Variants in IGF1R observed in about 807,000 individuals in gnomAD.
IGF1R encodes insulin-like growth factor 1 receptor.
IGF1R carries 44 observed loss-of-function variants against 144.6 expected under a neutral mutation model. The observed-to-expected ratio is 0.30, with a 90% CI of 0.24 to 0.39. The LOEUF (loss-of-function observed/expected upper bound fraction) is 0.39, where lower values mean the gene tolerates loss of function less well. Among genes scored for constraint, IGF1R ranks in the 10% least tolerant of loss-of-function variants. The probability of loss-of-function intolerance (pLI) is 1.00; values close to 1 mark genes in which losing one functional copy is unlikely to be tolerated. For synonymous variants in IGF1R, 795 were observed against 722.8 expected, an observed-to-expected ratio of 1.10 and a Z score of -1.60; for missense variants, 1,355 against 1,833.7, an observed-to-expected ratio of 0.74 and a Z score of 4.77.
rs2151682528 is a variant in IGF1R at position 98,916,687 on chromosome 15, G to A, written c.2012G>A (p.Arg671Lys). The change falls in exon 10 of 21, where the codon AGG (arginine) becomes AAG (lysine). Residue 671 changes from arginine (R) to lysine (K), a missense_variant. By Grantham distance (26) the Arg-to-Lys change is conservative. Transcript: ENST00000650285. ...NYCSKDKIPI[R>K]KYADGTIDIE... The stretch of plus-strand genomic sequence containing the variant: ...TTCCGAGAAGACAAAATCCCCATCA[G>A]GAAGTATGCCGACGGCACCATCGAC... The A allele has an allele frequency of 6.2e-7, 1 of 1,614,088 alleles. No individual in the cohort carries two copies.
At chr15:98,942,138 A>G (rs2016387972) in intron 18 of IGF1R, among the ~76,000 whole-genome samples, 1 of 152,136 alleles carries the variant, frequency 6.6e-6, no homozygotes, top group Non-Finnish European at 1.5e-5. Context: ...GTTACCCTGA[A>G]TATTTTCCCC....
intron 2 of IGF1R, among the ~76,000 whole-genome samples, chr15:98,842,268 T>C (rs1371375237): frequency 6.6e-6 from 1 of 152,198 alleles, no homozygotes; most frequent in Non-Finnish European, 1.5e-5. Flanking sequence ...TTTACTTCCT[T>C]TGATAAGACA....
At chr15:98,901,121 A>T (rs985633231) in intron 5 of IGF1R, among the ~76,000 whole-genome samples, 3 of 152,224 alleles carry the variant, frequency 2.0e-5, no homozygotes, top group African/African-American at 7.2e-5. Flanking sequence ...TCATTATCTG[A>T]AACTTGCATA....
intron 1 of IGF1R, among the ~76,000 whole-genome samples, chr15:98,691,313 G>T (rs1264865608): frequency 6.6e-6 from 1 of 151,742 alleles, no homozygotes; most frequent in African/African-American, 2.4e-5. Context: ...AGGGACACTG[G>T]CCAGGTTTTG....
At chr15:98,851,815 G>T (rs1204496990) in intron 2 of IGF1R, among the ~76,000 whole-genome samples, 1 of 152,216 alleles carries the variant, frequency 6.6e-6, no homozygotes, top group Admixed American at 6.5e-5. Flanking sequence ...CTTATTTCTT[G>T]TCAAGTGAGC....
chr15:98,749,952 C>T (rs1317333363), intron 2 of IGF1R, among the ~76,000 whole-genome samples: 1 of 139,742 alleles, frequency 7.2e-6, no homozygotes, highest in East Asian at 2.1e-4. Context: ...CTCCTTATTT[C>T]TTAGTGAACA....
intron 2 of IGF1R, among the ~76,000 whole-genome samples, chr15:98,861,671 C>G (rs2012166218): frequency 6.6e-6 from 1 of 152,216 alleles, no homozygotes; most frequent in Admixed American, 6.5e-5. Context: ...TGATGCTGGA[C>G]AAGTCAGCAA....
chr15:98,883,784 C>T (rs563247961), intron 2 of IGF1R, among the ~76,000 whole-genome samples: 2 of 152,256 alleles, frequency 1.3e-5, no homozygotes, highest in South Asian at 2.1e-4. Context: ...CGAAAGTGTT[C>T]GCCGGGCTGC....
chr15:98,802,930 A>T (rs1415158243), intron 2 of IGF1R, among the ~76,000 whole-genome samples: 7 of 152,220 alleles, frequency 4.6e-5, no homozygotes, highest in African/African-American at 1.7e-4. Context: ...AATTGTTTCC[A>T]TTTTAGGTTG....
chr15:98,924,936 G>A (rs1326709317), intron 13 of IGF1R, among the ~76,000 whole-genome samples: 3 of 152,060 alleles, frequency 2.0e-5, no homozygotes, highest in Non-Finnish European at 2.9e-5. Context: ...CTTTGAGGTT[G>A]TGTAACCACT....
intron 2 of IGF1R, among the ~76,000 whole-genome samples, chr15:98,862,977 T>C (rs2012237958): frequency 6.6e-6 from 1 of 152,202 alleles, no homozygotes; most frequent in Non-Finnish European, 1.5e-5. Context: ...CCAGACTGAA[T>C]TCGGATTTCA....
intron 1 of IGF1R, among the ~76,000 whole-genome samples, chr15:98,674,772 A>G (rs1264952702): frequency 6.6e-6 from 1 of 152,022 alleles, no homozygotes; most frequent in Admixed American, 6.6e-5. Context: ...CATTGTTAAT[A>G]TTTTGTTGTG....
chr15:98,930,564 G>A (rs2015900871), intron 15 of IGF1R, among the ~76,000 whole-genome samples: 1 of 152,160 alleles, frequency 6.6e-6, no homozygotes. Flanking sequence ...AATGTGGCCA[G>A]CGCAGTAATC....
rs533797762 is a variant in IGF1R, at chr15:98,693,137, C to G, written c.95-14425C>G. Among the ~76,000 whole-genome samples the G allele has an allele frequency of 3.9e-5, 6 of 152,292 alleles. No individual in the cohort carries two copies. In the South Asian group the frequency reaches 6.2e-4, roughly 16 times the overall value. ...CCCTGACCCCATATGAACGTCCTTG[C>G]TATTTCCTGCTGTGCCATCCAGCAA... On this transcript the variant is annotated intron_variant, in intron 1 of 20. Coordinates refer to ENST00000650285, the MANE Select transcript of IGF1R (RefSeq NM_000875.5).
At chr15:98,922,743 C>G (rs979845257) in intron 11 of IGF1R, among the ~76,000 whole-genome samples, 1 of 152,252 alleles carries the variant, frequency 6.6e-6, no homozygotes, top group South Asian at 2.1e-4. Context: ...CCTTTGCCCC[C>G]TCTTGCGCAC....
intron 2 of IGF1R, among the ~76,000 whole-genome samples, chr15:98,781,602 T>C (rs1462628386): frequency 6.6e-6 from 1 of 152,224 alleles, no homozygotes; most frequent in African/African-American, 2.4e-5. Flanking sequence ...AAATGCTTTT[T>C]GAATAGAAAT....
chr15:98,948,938 G>C (rs565913300), intron 20 of IGF1R, among the ~76,000 whole-genome samples: 3 of 152,286 alleles, frequency 2.0e-5, no homozygotes, highest in African/African-American at 7.2e-5. Context: ...CTTTCGTTCC[G>C]ATTTGCAGTT....
At position 98,891,222 on chromosome 15, in the gene IGF1R, G is replaced by A; in HGVS notation, c.641-103G>A. On this transcript the variant is annotated intron_variant, in intron 2 of 20. Transcript: ENST00000650285. This position sits in a 1 kb window ranked among gnomAD's most constrained non-coding sequence, Gnocchi z 4.7. The stretch of plus-strand genomic sequence containing the variant: ...TTGTCTCCTCAATGAGTGATCTGGT[G>A]CTGGTGGTAGCAGTGAATGACCCAG... 9.8e-7 allele frequency: 1 copy of A among 1,017,762 alleles called. No individual in the cohort carries two copies. The highest frequency in any genetic ancestry group is 2.6e-5 in the East Asian group (1 of 39,096). The allele number at this position is 1,017,762 out of a possible 1,614,324, so 63.0% of individuals were successfully genotyped here. A position where few individuals can be genotyped will look rare whatever the true frequency, so the allele number is the denominator to read the frequency against.
At chr15:98,702,059 G>A (rs1221503507) in intron 1 of IGF1R, among the ~76,000 whole-genome samples, 2 of 103,468 alleles carry the variant, frequency 1.9e-5, no homozygotes, top group African/African-American at 7.2e-5. Context: ...TTTTTTCCTA[G>A]GACCTCAAGG....
Sources: allele counts gnomAD v4.1 joint callset (sites outside exome capture counted in the v4.1 genomes callset), GRCh38; gene constraint gnomAD v4.1.1; non-coding constraint Gnocchi (gnomAD v3.1); transcripts MANE v1.5; gene names NCBI Gene and HGNC (gene_info 2026-07-23, HGNC 2026-07-21).